The following TOX variants were observed in gnomAD, a reference collection of about 807,000 sequenced individuals.
The protein encoded by TOX is thymocyte selection-associated high mobility group box protein TOX.
In TOX, 11 loss-of-function variants were observed where a neutral mutation model predicts 53.7. The ratio of observed to expected loss-of-function variants is 0.20; its 90% CI spans 0.13 to 0.34. TOX has a LOEUF of 0.34. Among genes scored for constraint, TOX ranks in the 10% least tolerant of loss-of-function variants. The pLI is 1.00. For missense variants in TOX, 570 were observed against 664.6 expected, an observed-to-expected ratio of 0.86 and a Z score of 1.56; for synonymous variants, 225 against 245.3, an observed-to-expected ratio of 0.92 and a Z score of 0.77.
intron 1 of TOX, among the ~76,000 whole-genome samples, chr8:59,034,176 A>C (rs531146729): frequency 6.6e-6 from 1 of 152,224 alleles, no homozygotes; most frequent in South Asian, 2.1e-4. Context: ...GTGCAGTTTG[A>C]GAGATTGTAT....
chr8:58,928,705 C>A (rs1422434832), intron 3 of TOX, among the ~76,000 whole-genome samples: 2 of 151,978 alleles, frequency 1.3e-5, no homozygotes, highest in African/African-American at 4.8e-5. Flanking sequence ...CTCTTGATAG[C>A]CTTAATAATA....
intron 8 of TOX, 142 bp downstream of exon 8, chr8:58,807,976 T>A: frequency 7.8e-7 from 1 of 1,278,348 alleles, no homozygotes; most frequent in Non-Finnish European, 1.1e-6. Context: ...GAAGACTGCT[T>A]AACAATTTCT....
intron 1 of TOX, among the ~76,000 whole-genome samples, chr8:59,040,638 T>C (rs1197766339): frequency 2.0e-5 from 3 of 152,328 alleles, no homozygotes; most frequent in South Asian, 4.1e-4. Flanking sequence ...ACTACTGAAG[T>C]GCAATAGACC....
rs771460278 is a variant in TOX at position 58,960,012 on chromosome 8, C to T, written c.103-4G>A. The T allele has an allele frequency of 7.4e-5, 120 of 1,613,904 alleles. No individual in the cohort carries two copies. Among genetic ancestry groups the T allele is most frequent in the Admixed American group, 4.7e-4 (28 of 59,986 alleles). ...TATACATGTTCTCACCGTCAAACTG[C>T]GAATGAAATAATAGTAAACATTCAG... On this transcript the variant is annotated splice_polypyrimidine_tract_variant and splice_region_variant and intron_variant, in intron 1 of 8. Transcript: ENST00000361421.
At position 58,826,817 on chromosome 8, in the gene TOX, G is replaced by C; in HGVS notation, c.1005+5C>G. On this transcript the variant is annotated splice_donor_5th_base_variant and intron_variant, in intron 6 of 8. Coordinates refer to ENST00000361421, the MANE Select transcript of TOX (RefSeq NM_014729.3). ...CCTTCACAATATCACACAACTGCAC[G>C]TTACCTTGGATACAAGGCTGGCTCT... The C allele has an allele frequency of 6.2e-7, 1 of 1,601,754 alleles. No individual in the cohort carries two copies. Among genetic ancestry groups the C allele is most frequent in the Middle Eastern group, 1.7e-4 (1 of 6,018 alleles).
chr8:58,937,917 A>G lies in TOX; in HGVS notation c.411+1385T>C, dbSNP rs144385088. ...AGTAGGCAGGTGATTTTTCAAGGTG[A>G]CTACACTGAAATACATTTTTCAGCT... On this transcript the variant is annotated intron_variant, in intron 3 of 8. Coordinates refer to ENST00000361421, the MANE Select transcript of TOX (RefSeq NM_014729.3). Among the ~76,000 whole-genome samples the G allele has an allele frequency of 4.9e-4, 74 of 152,248 alleles. No individual in the cohort carries two copies. In the East Asian group the frequency reaches 0.014, roughly 29 times the overall value.
chr8:58,935,785 A>C (rs1389998999), intron 3 of TOX, among the ~76,000 whole-genome samples: 1 of 152,244 alleles, frequency 6.6e-6, no homozygotes, highest in African/African-American at 2.4e-5. Context: ...AAAGAGTTTT[A>C]GTAAGTTTTT....
Position 58,959,055 on chromosome 8 carries a change from T to C in TOX, c.168+888A>G, listed in dbSNP as rs1812756328. Among the ~76,000 whole-genome samples, 3 of 152,254 alleles carry C rather than the reference T, an allele frequency of 2.0e-5. No homozygotes were observed. In the South Asian group the frequency reaches 6.2e-4, roughly 31 times the overall value. On this transcript the variant is annotated intron_variant, in intron 2 of 8. Transcript: ENST00000361421. ...ATTGAACATTACTAAGAGGTTATTT[T>C]AGAATTACTAACATATGAAATTCCA... is the stretch of plus-strand genomic sequence containing the variant.
At chr8:58,868,153 C>T (rs1488521527) in intron 3 of TOX, among the ~76,000 whole-genome samples, 2 of 152,136 alleles carry the variant, frequency 1.3e-5, no homozygotes, top group Non-Finnish European at 2.9e-5. Flanking sequence ...TCTGCACATG[C>T]TCCCTTGACT....
intron 1 of TOX, among the ~76,000 whole-genome samples, chr8:58,972,601 A>G (rs7838202): frequency 0.093 from 14,225 of 152,210 alleles, 823 homozygotes; most frequent in Admixed American, 0.17. Flanking sequence ...CACTCTTTGT[A>G]TTTAATTGAA....
intron 5 of TOX, among the ~76,000 whole-genome samples, chr8:58,835,422 A>T (rs945463957): frequency 6.6e-6 from 1 of 152,338 alleles, no homozygotes; most frequent in South Asian, 2.1e-4. Flanking sequence ...CCTTTTTAAC[A>T]TGACAGTTGA....
chr8:58,984,975 T>C (rs1328395406), intron 1 of TOX, among the ~76,000 whole-genome samples: 1 of 150,958 alleles, frequency 6.6e-6, no homozygotes, highest in African/African-American at 2.4e-5. Context: ...GGGTATATAA[T>C]CAAAAGAATT....
intron 3 of TOX, among the ~76,000 whole-genome samples, chr8:58,937,659 T>C (rs1182287332): frequency 5.3e-5 from 8 of 152,148 alleles, no homozygotes; most frequent in Admixed American, 5.2e-4. Context: ...AGGAGGTAAA[T>C]TTTATAAAGG....
intron 1 of TOX, among the ~76,000 whole-genome samples, chr8:59,076,065 G>A (rs1025126226): frequency 1.3e-5 from 2 of 151,898 alleles, no homozygotes; most frequent in Admixed American, 6.5e-5. Flanking sequence ...GAGAGCTCAG[G>A]AAGTCAGAGA....
chr8:59,090,018 G>T (rs1306576861), intron 1 of TOX, among the ~76,000 whole-genome samples: 1 of 152,206 alleles, frequency 6.6e-6, no homozygotes, highest in Non-Finnish European at 1.5e-5. Flanking sequence ...GATGTGGTCA[G>T]GTGCTTTCAG....
chr8:58,992,526 A>G (rs1004586440), intron 1 of TOX, among the ~76,000 whole-genome samples: 2 of 152,074 alleles, frequency 1.3e-5, no homozygotes, highest in Non-Finnish European at 2.9e-5. Context: ...TTTCTTCTGT[A>G]TGGATTCATG....
In TOX at chr8:59,099,009, T is replaced by C. The variant is rs539406717; in HGVS notation, c.102+19877A>G. Among the ~76,000 whole-genome samples the C allele has an allele frequency of 2.6e-5, 4 of 152,338 alleles. No individual in the cohort carries two copies. In the South Asian group the frequency reaches 8.3e-4, roughly 32 times the overall value. ...ATGTCTACTCTCGATTAAATTTCAC[T>C]CTTTGGAAACCTACCTTGCTGTACT... On this transcript the variant is annotated intron_variant, in intron 1 of 8. Transcript: ENST00000361421.
intron 3 of TOX, among the ~76,000 whole-genome samples, chr8:58,905,117 G>A (rs1585892229): frequency 6.6e-6 from 1 of 152,244 alleles, no homozygotes. Flanking sequence ...ATTTTTAGTA[G>A]AGACGGGGTT....
Position 58,923,260 on chromosome 8 carries a change from A to T in TOX, c.411+16042T>A, listed in dbSNP as rs532066584. Among the ~76,000 whole-genome samples, 5 of 152,312 alleles carry T rather than the reference A, an allele frequency of 3.3e-5. No homozygotes were observed. In the East Asian group the frequency reaches 9.6e-4, roughly 29 times the overall value. On this transcript the variant is annotated intron_variant, in intron 3 of 8. Transcript: ENST00000361421. The stretch of plus-strand genomic sequence containing the variant: ...GGATCACTGCTATAATCCACAAAGA[A>T]GATGGTGCTTTGGATCATGGTGGCA...
Sources: gnomAD v4.1 joint callset for allele counts (sites outside exome capture counted in the v4.1 genomes callset) on GRCh38, gnomAD v4.1.1 for gene constraint, MANE v1.5 for transcripts, NCBI Gene and HGNC (gene_info 2026-07-23, HGNC 2026-07-21) for gene names.